Variants in SPAG16 observed in about 807,000 individuals in gnomAD.
SPAG16 encodes sperm-associated antigen 16 protein.
Under a neutral mutation model 80.4 loss-of-function variants are expected in SPAG16, and 86 were observed. The observed-to-expected ratio is 1.07, with a 90% CI of 0.90 to 1.28. SPAG16 has a LOEUF of 1.28. SPAG16 is among the 50% of genes most tolerant of loss of function. The pLI is 0.00. For missense variants in SPAG16, 870 were observed against 765.3 expected (o/e 1.14, Z -1.61); for synonymous variants, 294 against 265.9 (o/e 1.11, Z -1.03).
At chr2:214,376,012 C>T (rs1206458872) in intron 15 of SPAG16, among the ~76,000 whole-genome samples, 1 of 151,222 alleles carries the variant, frequency 6.6e-6, no homozygotes, top group South Asian at 2.1e-4. Context: ...CTATATGCTT[C>T]AGATTCTGCA....
intron 11 of SPAG16, among the ~76,000 whole-genome samples, chr2:213,902,788 A>G (rs1461414196): frequency 6.6e-6 from 1 of 152,176 alleles, no homozygotes; most frequent in Non-Finnish European, 1.5e-5. Context: ...TGAGACAAGC[A>G]AAGTCCCTTC....
intron 14 of SPAG16, among the ~76,000 whole-genome samples, chr2:214,113,182 G>A (rs2053762434): frequency 1.3e-5 from 2 of 152,200 alleles, no homozygotes; most frequent in South Asian, 4.1e-4. Flanking sequence ...TCTATTGAGA[G>A]ATCCTCTGTT....
At chr2:214,056,280 T>TAC (rs60247479) in intron 13 of SPAG16, among the ~76,000 whole-genome samples, 6,904 of 144,552 alleles carry the variant, frequency 0.048, 322 homozygotes, top group African/African-American at 0.13. Flanking sequence ...GTAGTAGAAA[T>TAC]ACACACACAC....
At chr2:214,225,665 C>G (rs531131463) in intron 15 of SPAG16, among the ~76,000 whole-genome samples, 1 of 152,124 alleles carries the variant, frequency 6.6e-6, no homozygotes, top group East Asian at 1.9e-4. Context: ...CATCAAACAT[C>G]AAAAAGGAGA....
At chr2:213,726,145 A>G (rs1220822703) in intron 10 of SPAG16, among the ~76,000 whole-genome samples, 1 of 152,214 alleles carries the variant, frequency 6.6e-6, no homozygotes, top group Non-Finnish European at 1.5e-5. Context: ...TTGCCCACCT[A>G]TGTGGCAGTC....
intron 10 of SPAG16, among the ~76,000 whole-genome samples, chr2:213,690,817 C>T (rs1018866946): frequency 2.0e-5 from 3 of 152,178 alleles, no homozygotes; most frequent in Non-Finnish European, 2.9e-5. Flanking sequence ...GTACCAGCAA[C>T]CTCCCAGGGG....
chr2:213,845,389 G>A (rs1433705838), intron 10 of SPAG16, among the ~76,000 whole-genome samples: 3 of 151,936 alleles, frequency 2.0e-5, no homozygotes, highest in Admixed American at 2.0e-4. Context: ...GAGGAGACGA[G>A]GTTTCACCAT....
chr2:213,818,658 T>A (rs1438626088), intron 10 of SPAG16, among the ~76,000 whole-genome samples: 1 of 152,140 alleles, frequency 6.6e-6, no homozygotes, highest in Non-Finnish European at 1.5e-5. Context: ...ATACATTATA[T>A]GGTTTGGTTC....
chr2:213,569,923 G>C (rs1301477825), intron 10 of SPAG16, among the ~76,000 whole-genome samples: 3 of 125,944 alleles, frequency 2.4e-5, no homozygotes, highest in Non-Finnish European at 1.6e-5. Flanking sequence ...GCCTGTTATT[G>C]GTCTATTCAG....
intron 15 of SPAG16, among the ~76,000 whole-genome samples, chr2:214,357,560 T>C (rs1194300668): frequency 6.6e-6 from 1 of 151,984 alleles, no homozygotes; most frequent in Non-Finnish European, 1.5e-5. Context: ...TTTTGTTCTC[T>C]CTAAAATGTG....
chr2:214,126,704 T>C (rs1209481849), intron 14 of SPAG16, among the ~76,000 whole-genome samples: 1 of 151,712 alleles, frequency 6.6e-6, no homozygotes, highest in Non-Finnish European at 1.5e-5. Context: ...ACACCTTAGG[T>C]TACTATCACA....
intron 10 of SPAG16, among the ~76,000 whole-genome samples, chr2:213,721,001 C>T (rs1343921424): frequency 6.6e-6 from 1 of 152,230 alleles, no homozygotes; most frequent in African/African-American, 2.4e-5. Context: ...ATCCGCCCAC[C>T]TCAGCCTCCC....
chr2:214,054,088 A>C (rs1036394926), intron 13 of SPAG16, among the ~76,000 whole-genome samples: 1 of 151,900 alleles, frequency 6.6e-6, no homozygotes, highest in Non-Finnish European at 1.5e-5. Flanking sequence ...CGGCTCACTG[A>C]AACCTCCGCC....
intron 10 of SPAG16, among the ~76,000 whole-genome samples, chr2:213,740,152 T>A (rs916867784): frequency 5.3e-5 from 8 of 152,220 alleles, no homozygotes; most frequent in African/African-American, 1.9e-4. Context: ...TTAAATTTAA[T>A]ATCATGTTAC....
chr2:214,005,100 TA>T (rs2046970314), intron 12 of SPAG16, among the ~76,000 whole-genome samples: 2 of 152,324 alleles, frequency 1.3e-5, no homozygotes, highest in Middle Eastern at 3.4e-3. Flanking sequence ...CTCAGGTTGC[TA>T]TTTTAATATT....
intron 12 of SPAG16, among the ~76,000 whole-genome samples, chr2:213,991,423 T>C (rs1293902757): frequency 1.3e-5 from 2 of 152,176 alleles, no homozygotes; most frequent in Non-Finnish European, 1.5e-5. Context: ...TTGGGTTGGT[T>C]CTAAGTCTTT....
At position 213,688,426 on chromosome 2, in the gene SPAG16, C is replaced by T. The variant is rs1315502437; in HGVS notation, c.1071-174059C>T. On this transcript the variant is annotated intron_variant, in intron 10 of 15. Transcript: ENST00000331683. ...TTTTCTCCCACAAAGTACAGCTTTG[C>T]AGGGCCATTTCAAAATGTGGCAAAG... Among the ~76,000 whole-genome samples the T allele has an allele frequency of 2.0e-5, 3 of 152,180 alleles. No homozygotes were observed. In the East Asian group the frequency reaches 5.8e-4, roughly 29 times the overall value.
chr2:213,398,771 T>C (rs1414736454), intron 9 of SPAG16, among the ~76,000 whole-genome samples: 1 of 152,180 alleles, frequency 6.6e-6, no homozygotes, highest in Non-Finnish European at 1.5e-5. Flanking sequence ...ACTTATTAAC[T>C]CATTGTATCA....
intron 10 of SPAG16, among the ~76,000 whole-genome samples, chr2:213,684,010 A>T (rs148682509): frequency 6.6e-6 from 1 of 152,238 alleles, no homozygotes; most frequent in Non-Finnish European, 1.5e-5. Context: ...TTTGTGGATT[A>T]GTAAGTACAT....
Sources: allele counts gnomAD v4.1 joint callset (sites outside exome capture counted in the v4.1 genomes callset), GRCh38; gene constraint gnomAD v4.1.1; transcripts MANE v1.5; gene names NCBI Gene and HGNC (gene_info 2026-07-23, HGNC 2026-07-21).